The following RSU1 variants were observed in gnomAD, a reference collection of about 807,000 sequenced individuals.
RSU1 encodes Ras suppressor protein 1, also known as rsu-1.
A neutral mutation model predicts 31.1 loss-of-function variants in RSU1; 26 were observed. That is an observed-to-expected ratio of 0.84 (90% CI 0.61 to 1.16). The LOEUF is 1.16. Ranked by LOEUF, RSU1 falls within the 50% of genes most tolerant of loss-of-function variation. The probability of loss-of-function intolerance (pLI) is 0.00; values close to 1 mark genes in which losing one functional copy is unlikely to be tolerated. For missense variants in RSU1, 320 were observed against 339.1 expected (o/e 0.94, Z 0.44); for synonymous variants, 164 against 136.3 (o/e 1.20, Z -1.41).
intron 8 of RSU1, among the ~76,000 whole-genome samples, chr10:16,644,746 AG>A (rs1461812526): frequency 6.6e-5 from 10 of 152,234 alleles, no homozygotes; most frequent in Admixed American, 5.9e-4. Flanking sequence ...TCATAGCAGG[AG>A]GAAGTAAGAG....
At chr10:16,676,884 C>T (rs556374934) in intron 8 of RSU1, among the ~76,000 whole-genome samples, 1 of 152,094 alleles carries the variant, frequency 6.6e-6, no homozygotes, top group Non-Finnish European at 1.5e-5. Context: ...TGTACCAGAA[C>T]CACTCAGATA....
At chr10:16,709,867 A>T (rs1028995492) in intron 7 of RSU1, among the ~76,000 whole-genome samples, 1 of 152,026 alleles carries the variant, frequency 6.6e-6, no homozygotes, top group African/African-American at 2.4e-5. Context: ...AATTTGTTTG[A>T]GTTCATTGTA....
chr10:16,619,354 T>C (rs1200897885), intron 8 of RSU1, among the ~76,000 whole-genome samples: 1 of 152,236 alleles, frequency 6.6e-6, no homozygotes, highest in Non-Finnish European at 1.5e-5. Flanking sequence ...GGAGAGCTGA[T>C]GGTGACATGA....
intron 8 of RSU1, among the ~76,000 whole-genome samples, chr10:16,680,768 C>T (rs1481558224): frequency 6.6e-6 from 1 of 152,166 alleles, no homozygotes; most frequent in Non-Finnish European, 1.5e-5. Flanking sequence ...GCCTCACCTC[C>T]AATGCTGGGG....
chr10:16,764,764 G>C (rs1019047135), intron 3 of RSU1, among the ~76,000 whole-genome samples: 2 of 152,084 alleles, frequency 1.3e-5, no homozygotes, highest in Non-Finnish European at 2.9e-5. Flanking sequence ...TGGACAATGA[G>C]GGGGGAAACA....
chr10:16,737,755 A>AG (rs1588503754), intron 7 of RSU1, among the ~76,000 whole-genome samples: 2 of 122,166 alleles, frequency 1.6e-5, no homozygotes, highest in Admixed American at 1.5e-4. Flanking sequence ...AACTAACTTA[A>AG]GGAAAAAAAA....
intron 8 of RSU1, among the ~76,000 whole-genome samples, chr10:16,677,710 A>G (rs1835259161): frequency 6.6e-6 from 1 of 152,216 alleles, no homozygotes; most frequent in Non-Finnish European, 1.5e-5. Context: ...AATGAAGCAG[A>G]GACTGTCTTC....
At chr10:16,727,070 TG>T in intron 7 of RSU1, 1 of 456,668 alleles carries the variant, frequency 2.2e-6, no homozygotes, top group Non-Finnish European at 4.4e-6. Flanking sequence ...AACTAATTAA[TG>T]TGCATTCCTC....
At chr10:16,756,325 T>C (rs989819426) in intron 4 of RSU1, among the ~76,000 whole-genome samples, 1 of 152,190 alleles carries the variant, frequency 6.6e-6, no homozygotes, top group African/African-American at 2.4e-5. Flanking sequence ...ACATTTTGTG[T>C]GCATTTTATC....
chr10:16,671,361 C>T (rs1835101812), intron 8 of RSU1, among the ~76,000 whole-genome samples: 1 of 152,150 alleles, frequency 6.6e-6, no homozygotes, highest in Admixed American at 6.5e-5. Flanking sequence ...CCCTTGCTTT[C>T]TGGATTGTTA....
At chr10:16,609,392 A>G (rs1833857866) in intron 8 of RSU1, among the ~76,000 whole-genome samples, 1 of 152,176 alleles carries the variant, frequency 6.6e-6, no homozygotes, top group Admixed American at 6.5e-5. Context: ...GAAGAGCCGA[A>G]GCTTGTCATA....
chr10:16,646,174 C>T (rs1254241138), intron 8 of RSU1, among the ~76,000 whole-genome samples: 2 of 151,486 alleles, frequency 1.3e-5, no homozygotes, highest in Non-Finnish European at 2.9e-5. Flanking sequence ...AACCACTGGG[C>T]ACAGCTCTCA....
chr10:16,806,780 T>A (rs1238155236), intron 2 of RSU1, among the ~76,000 whole-genome samples: 1 of 151,980 alleles, frequency 6.6e-6, no homozygotes, highest in African/African-American at 2.4e-5. Context: ...TTTGAAAGAG[T>A]CTCACTCTTG....
intron 8 of RSU1, among the ~76,000 whole-genome samples, chr10:16,685,970 T>G (rs1301218104): frequency 1.3e-5 from 2 of 152,228 alleles, no homozygotes; most frequent in Non-Finnish European, 2.9e-5. Flanking sequence ...TAATGCTTGA[T>G]GAATACATTG....
intron 7 of RSU1, among the ~76,000 whole-genome samples, chr10:16,750,536 G>A (rs1375465634): frequency 2.0e-5 from 3 of 152,118 alleles, no homozygotes; most frequent in African/African-American, 7.2e-5. Context: ...GGCATGCGTA[G>A]GTTCAACTAG....
In RSU1 at chr10:16,600,405, G is replaced by A. The variant is rs191723042; in HGVS notation, c.732-6909C>T. Among the ~76,000 whole-genome samples, 20 of 152,254 alleles carry A rather than the reference G, an allele frequency of 1.3e-4. No homozygotes were observed. The East Asian group carries it at 3.9e-3, about 29-fold the overall frequency. On this transcript the variant is annotated intron_variant, in intron 8 of 8. Coordinates refer to ENST00000345264, the MANE Select transcript of RSU1 (RefSeq NM_012425.4). ...TGTTAAAACAGCCTGCAGACAGGCCGCTTCAAGCTCCGTGCAACTGACCAC... is the reference window on the plus strand; with the variant it reads ...TGTTAAAACAGCCTGCAGACAGGCCACTTCAAGCTCCGTGCAACTGACCAC...
At chr10:16,809,759 C>A (rs1199676869) in intron 2 of RSU1, among the ~76,000 whole-genome samples, 2 of 152,016 alleles carry the variant, frequency 1.3e-5, no homozygotes, top group Admixed American at 6.6e-5. Flanking sequence ...ATAAATAATA[C>A]AGGGTATGGT....
At chr10:16,773,380 T>C (rs1356239874) in intron 3 of RSU1, among the ~76,000 whole-genome samples, 2 of 152,104 alleles carry the variant, frequency 1.3e-5, no homozygotes, top group African/African-American at 4.8e-5. Context: ...CATGGGAGCT[T>C]TGATCATTCC....
At chr10:16,757,739 C>T (rs1182174291) in intron 4 of RSU1, among the ~76,000 whole-genome samples, 1 of 152,188 alleles carries the variant, frequency 6.6e-6, no homozygotes, top group Non-Finnish European at 1.5e-5. Context: ...CTGCTCCAGA[C>T]CCTTGGGCTC....
Sources: gnomAD v4.1 joint callset for allele counts (sites outside exome capture counted in the v4.1 genomes callset) on GRCh38, gnomAD v4.1.1 for gene constraint, MANE v1.5 for transcripts, NCBI Gene and HGNC (gene_info 2026-07-23, HGNC 2026-07-21) for gene names.